The following HSF4 variants were observed in gnomAD, a reference collection of about 807,000 sequenced individuals.
HSF4 encodes heat shock transcription factor 4, also known as heat shock factor protein 4.
In HSF4, 41 loss-of-function variants were observed where a neutral mutation model predicts 52.0. The ratio of observed to expected loss-of-function variants is 0.79; its 90% CI spans 0.61 to 1.02. The LOEUF (loss-of-function observed/expected upper bound fraction) is 1.02. Among genes scored for constraint, HSF4 ranks in the 50% least tolerant of loss-of-function variants. The pLI is 0.00. For missense variants in HSF4, 610 were observed against 651.1 expected, an observed-to-expected ratio of 0.94 and a Z score of 0.69; for synonymous variants, 285 against 273.0, an observed-to-expected ratio of 1.04 and a Z score of -0.43.
rs1235667522 is a variant in HSF4 at position 67,169,245 on chromosome 16, C to T, written c.1255-34C>T. On this transcript the variant is annotated intron_variant, in intron 11 of 12. Transcript: ENST00000521374. This position sits in a 1 kb window ranked among gnomAD's most constrained non-coding sequence, Gnocchi z 4.3. ...AGCTGTCCCCCTCAGCTGCTAGGTC[C>T]CCTCCCCAGCTGCTCCCTGCGGTTC... 2 of 1,612,306 alleles carry T rather than the reference C, an allele frequency of 1.2e-6. No individual in the cohort carries two copies. Among genetic ancestry groups the T allele is most frequent in the Non-Finnish European group, 1.7e-6 (2 of 1,179,628 alleles).
rs993748175 is a variant in HSF4, at chr16:67,164,832, G to T, written c.21G>T (p.Ala7=). ...GCACCATGCAGGAAGCGCCAGCTGCGCTGCCCACGGAGCCAGGCCCCAGCC... is the reference window on the plus strand; with the variant it reads ...GCACCATGCAGGAAGCGCCAGCTGCTCTGCCCACGGAGCCAGGCCCCAGCC... MQEAPA[A]LPTEPGPSPV... The change falls in exon 1 of 13, where the codon GCG becomes GCT. Residue 7 remains alanine (A), a synonymous_variant. Coordinates refer to ENST00000521374, the MANE Select transcript of HSF4 (RefSeq NM_001374675.1). 2 of 1,602,476 alleles carry T rather than the reference G, an allele frequency of 1.2e-6. No individual in the cohort carries two copies. Among genetic ancestry groups the T allele is most frequent in the Admixed American group, 1.7e-5 (1 of 59,686 alleles).
Position 67,164,800 on chromosome 16 carries a change from C to T in HSF4, c.-12C>T, listed in dbSNP as rs1456779908. ...GCCGGGCCCGAGCGCAGAGCCGGGC[C>T]GAGACTGCACCATGCAGGAAGCGCC... On this transcript the variant is annotated 5_prime_UTR_variant, in exon 1 of 13. Coordinates refer to ENST00000521374, the MANE Select transcript of HSF4 (RefSeq NM_001374675.1). The T allele has an allele frequency of 1.9e-6, 3 of 1,591,194 alleles. No homozygotes were observed. In the Admixed American group the frequency reaches 5.1e-5, roughly 27 times the overall value.
chr16:67,164,323 C>A, upstream of HSF4: 1 of 388,882 alleles, frequency 2.6e-6, no homozygotes, highest in Non-Finnish European at 5.1e-6. Flanking sequence ...GGGGCACTCA[C>A]ACCCTTGGAA....
upstream of HSF4, chr16:67,164,505 G>A (rs1410882627): frequency 1.7e-6 from 1 of 606,062 alleles, no homozygotes; most frequent in Non-Finnish European, 3.1e-6. Context: ...GAAGGAAATA[G>A]AGGGACCGAG....
At chr16:67,166,433 C>A in intron 5 of HSF4, 38 bp downstream of exon 5, 1 of 1,592,726 alleles carries the variant, frequency 6.3e-7, no homozygotes, top group Non-Finnish European at 8.6e-7. Flanking sequence ...CCCTCCCACT[C>A]CTCGACACCC....
Position 67,164,971 on chromosome 16 carries a change from C to T in HSF4, c.123+37C>T, listed in dbSNP as rs747026190. ...GGCCCCTCGATTCCCCCTGTGGTCC[C>T]GGGGTCCCTCCACGTCAGTGAACAC... is the stretch of plus-strand genomic sequence containing the variant. On this transcript the variant is annotated intron_variant, in intron 1 of 12. Coordinates refer to ENST00000521374, the MANE Select transcript of HSF4 (RefSeq NM_001374675.1). 37 of 1,559,362 alleles carry T rather than the reference C, an allele frequency of 2.4e-5. No homozygotes were observed. The South Asian group carries it at 3.8e-4, about 16-fold the overall frequency.
upstream of HSF4, chr16:67,163,879 G>GC (rs1477431686): frequency 2.0e-5 from 30 of 1,526,800 alleles, no homozygotes; most frequent in East Asian, 4.6e-5. Flanking sequence ...GGAACGGGGG[G>GC]GGTGTCCAGG....
In HSF4 at chr16:67,167,551, C is replaced by T. The variant is rs760449871; in HGVS notation, c.806C>T (p.Ser269Phe). Residue 269 changes from serine (S) to phenylalanine (F), a missense_variant, in exon 8 of 13, where the codon TCT becomes TTT. Physicochemically the swap from Ser to Phe is radical, Grantham distance 155. Transcript: ENST00000521374. ...GPIISDIPED[S>F]PSPEGTRLSP... ...ATCATCTCTGACATCCCAGAAGACT[C>T]TCCATCCCCTGAGGGGACCAGGCTT... 3.5e-5 allele frequency: 57 copies of T among 1,613,812 alleles called. No individual in the cohort carries two copies. Among genetic ancestry groups the T allele is most frequent in the Non-Finnish European group, 4.7e-5 (55 of 1,180,008 alleles).
chr16:67,167,628 G>T (rs751886364), intron 8 of HSF4, 29 bp downstream of exon 8: 1 of 1,612,600 alleles, frequency 6.2e-7, no homozygotes, highest in East Asian at 2.2e-5. Flanking sequence ...CCCCTGAGGG[G>T]CCTGTGGGGG....
chr16:67,168,112 C>T (rs1025180613), intron 9 of HSF4, among the ~76,000 whole-genome samples, 165 bp downstream of exon 9: 6 of 152,206 alleles, frequency 3.9e-5, no homozygotes, highest in African/African-American at 9.7e-5. Flanking sequence ...TCAGCATCTG[C>T]GGAAGGGCTT....
rs1016534444 is a variant in HSF4, at chr16:67,164,750, C to T, written c.-62C>T. The T allele has an allele frequency of 2.3e-5, 35 of 1,528,232 alleles. 1 individual carries two copies. In the Admixed American group the frequency reaches 2.4e-4, roughly 10 times the overall value. The allele number at this position is 1,528,232 out of a possible 1,614,324, so 94.7% of individuals were successfully genotyped here. A position where few individuals can be genotyped will look rare whatever the true frequency, so the allele number is the denominator to read the frequency against. On this transcript the variant is annotated 5_prime_UTR_variant, in exon 1 of 13. Coordinates refer to ENST00000521374, the MANE Select transcript of HSF4 (RefSeq NM_001374675.1). Reference sequence around the variant, plus strand: ...GAGCGGGCGGCAAACGCAGCACTTTCCGCGGCTTTGACGAGCCCGCAGCGG... The same window carrying T: ...GAGCGGGCGGCAAACGCAGCACTTTTCGCGGCTTTGACGAGCCCGCAGCGG...
In HSF4 at chr16:67,169,302, G is replaced by A; in HGVS notation, c.1278G>A (p.Arg426=). Residue 426 remains arginine, a synonymous_variant, in exon 12 of 13, where the codon CGG becomes CGA. Coordinates refer to ENST00000521374, the MANE Select transcript of HSF4 (RefSeq NM_001374675.1). The surrounding 1 kb of genome is among the most constrained non-coding windows in gnomAD (Gnocchi z 4.3). ...LSLMQPLVPE[R]GEPELAVKGL... ...AGATGCAGCCCTTGGTTCCAGAGCG[G>A]GGTGAGCCTGAGCTGGCGGTCAAGG... 6.2e-7 allele frequency: 1 copy of A among 1,613,734 alleles called. No homozygotes were observed. Among genetic ancestry groups the A allele is most frequent in the Non-Finnish European group, 8.5e-7 (1 of 1,180,000 alleles).
intron 4 of HSF4, 67 bp downstream of exon 4, chr16:67,166,137 G>A: frequency 1.3e-6 from 2 of 1,485,804 alleles, no homozygotes; most frequent in Non-Finnish European, 1.8e-6. Context: ...TAACTGGCCG[G>A]CCAGCAGTTC....
upstream of HSF4, chr16:67,164,239 C>A: frequency 2.3e-6 from 1 of 437,326 alleles, no homozygotes; most frequent in Non-Finnish European, 4.4e-6. Context: ...CGCGGGGTAC[C>A]GGAGGAGCCA....
rs1449353475 is a variant in HSF4, at chr16:67,165,722, G to A, written c.236G>A (p.Gly79Asp). 2 of 1,612,074 alleles carry A rather than the reference G, an allele frequency of 1.2e-6. No homozygotes were observed. Among genetic ancestry groups the A allele is most frequent in the Non-Finnish European group, 1.7e-6 (2 of 1,179,816 alleles). ...ASFVRQLNMY[G>D]FRKVVSIEQG... is the part of the protein sequence containing the mutation. The stretch of plus-strand genomic sequence containing the variant: ...GCCCCCACGCCCCACTCCCCAGACG[G>A]TTTTCGGAAGGTGGTGAGCATCGAG... Residue 79 changes from glycine (G) to aspartate (D), a missense_variant, in exon 3 of 13, where the codon GGT (glycine) becomes GAT (aspartate). Gly to Asp is a moderately conservative substitution (Grantham distance 94). Coordinates refer to ENST00000521374, the MANE Select transcript of HSF4 (RefSeq NM_001374675.1). The surrounding 1 kb of genome is among the most constrained non-coding windows in gnomAD (Gnocchi z 6.9).
At chr16:67,164,592 C>T (rs1458768692), upstream of HSF4, 1 of 506,806 alleles carries the variant, frequency 2.0e-6, no homozygotes, top group East Asian at 4.6e-5. Flanking sequence ...CACCCCTCCA[C>T]TCCACTCCAC....
Position 67,165,813 on chromosome 16 carries a change from C to G in HSF4, c.327C>G (p.Gly109=), listed in dbSNP as rs766350771. The G allele has an allele frequency of 4.4e-6, 7 of 1,607,068 alleles. No individual in the cohort carries two copies. The Admixed American group carries it at 1.2e-4, about 27-fold the overall frequency. ...VEFQHPSFVR[G]REQLLERVRR... The stretch of plus-strand genomic sequence containing the variant: ...TCCAGCACCCGAGCTTCGTGCGCGG[C>G]CGCGAGCAGCTACTGGAGCGCGTGC... Residue 109 remains glycine, a synonymous_variant, in exon 3 of 13, where the codon GGC becomes GGG. Coordinates refer to ENST00000521374, the MANE Select transcript of HSF4 (RefSeq NM_001374675.1). This position sits in a 1 kb window ranked among gnomAD's most constrained non-coding sequence, Gnocchi z 6.9.
rs1597245163 is a variant in HSF4, at chr16:67,169,134, G to T, written c.1254+33G>T. On this transcript the variant is annotated intron_variant, in intron 11 of 12. Transcript: ENST00000521374. The surrounding 1 kb of genome is among the most constrained non-coding windows in gnomAD (Gnocchi z 4.3). ...GTGGGTCGGGGAGGGCAGAGGCCAG[G>T]GGTGGCTGAGTCAAGCCCTCTGGTC... The T allele has an allele frequency of 6.2e-7, 1 of 1,608,732 alleles. No homozygotes were observed. Among genetic ancestry groups the T allele is most frequent in the South Asian group, 1.1e-5 (1 of 91,012 alleles).
Position 67,167,232 on chromosome 16 carries a change from T to C in HSF4, c.729+10T>C. 6.2e-7 allele frequency: 1 copy of C among 1,614,124 alleles called. No individual in the cohort carries two copies. The highest frequency in any genetic ancestry group is 1.6e-4 in the Middle Eastern group (1 of 6,062). On this transcript the variant is annotated intron_variant, in intron 7 of 12. Coordinates refer to ENST00000521374, the MANE Select transcript of HSF4 (RefSeq NM_001374675.1). Reference sequence around the variant, plus strand: ...CTACTTCATCCAGTCGGTAGGTTTGTCTTCTTCCCCCTTCCCAAGGGCATG... The same window carrying C: ...CTACTTCATCCAGTCGGTAGGTTTGCCTTCTTCCCCCTTCCCAAGGGCATG...
Sources: gnomAD v4.1 joint callset for allele counts (sites outside exome capture counted in the v4.1 genomes callset) on GRCh38, gnomAD v4.1.1 for gene constraint, Gnocchi (gnomAD v3.1) non-coding constraint, MANE v1.5 for transcripts, NCBI Gene and HGNC (gene_info 2026-07-23, HGNC 2026-07-21) for gene names.